ANGPT2: variants seen among roughly 807,000 people sequenced by gnomAD.
ANGPT2 encodes angiopoietin-2.
In ANGPT2, 28 loss-of-function variants were observed where a neutral mutation model predicts 62.9. The observed-to-expected ratio is 0.44, with a 90% CI of 0.33 to 0.61. ANGPT2 has a LOEUF of 0.61. Ranked by LOEUF, ANGPT2 falls within the 20% of genes least tolerant of loss-of-function variation. The pLI, the probability that ANGPT2 is intolerant of heterozygous loss-of-function variation, is 0.03. For missense variants in ANGPT2, 727 were observed against 594.9 expected (o/e 1.22, Z -2.31); for synonymous variants, 284 against 207.8 (o/e 1.37, Z -3.15).
intron 1 of ANGPT2, among the ~76,000 whole-genome samples, chr8:6,560,491 T>C (rs891650675): frequency 5.9e-5 from 9 of 152,306 alleles, no homozygotes; most frequent in African/African-American, 2.2e-4. Context: ...GCTTTTTTGT[T>C]TTCATTCCCA....
At position 6,520,008 on chromosome 8, in the gene ANGPT2, G is replaced by A. The variant is rs376445795; in HGVS notation, c.800-17C>T. On this transcript the variant is annotated splice_polypyrimidine_tract_variant and intron_variant, in intron 4 of 8. Transcript: ENST00000629816. ...GGTCCTTAGCTGCTTTTAAAAAATA[G>A]TAAGGCATTTAAACGGAGTTCATGA... 1.2e-6 allele frequency: 2 copies of A among 1,612,378 alleles called. No individual in the cohort carries two copies. Among genetic ancestry groups the A allele is most frequent in the Middle Eastern group, 3.3e-4 (2 of 6,054 alleles).
At position 6,534,205 on chromosome 8, in the gene ANGPT2, T is replaced by TA. The variant is rs113647753; in HGVS notation, c.289-1719dup. Among the ~76,000 whole-genome samples the TA allele has an allele frequency of 2.1e-4, 32 of 150,454 alleles. No homozygotes were observed. In the South Asian group the frequency reaches 3.8e-3, roughly 18 times the overall value. ...GTTCAACCACACCATCAATATATTT[T>TA]AAAAAAAAAATAACAATACAACAAT... is the stretch of plus-strand genomic sequence containing the variant. On this transcript the variant is annotated intron_variant, in intron 1 of 8. Transcript: ENST00000629816.
chr8:6,503,490 T>C (rs1388622351), intron 8 of ANGPT2, among the ~76,000 whole-genome samples: 5 of 152,164 alleles, frequency 3.3e-5, no homozygotes, highest in African/African-American at 1.2e-4. Context: ...TTCTTCCACC[T>C]TTTCCCTTGT....
intron 1 of ANGPT2, 86 bp from the exon 2 acceptor site, chr8:6,532,573 TTAA>T: frequency 1.3e-6 from 1 of 758,444 alleles, no homozygotes; most frequent in Non-Finnish European, 1.8e-6. Flanking sequence ...CTCCCTATCT[TTAA>T]AAAAAAAAAA....
At chr8:6,519,532 T>C (rs550685531) in intron 5 of ANGPT2, among the ~76,000 whole-genome samples, 1 of 152,334 alleles carries the variant, frequency 6.6e-6, no homozygotes, top group East Asian at 1.9e-4. Flanking sequence ...TTTTGGAAGA[T>C]ACTTTCTTTA....
At position 6,513,800 on chromosome 8, in the gene ANGPT2, A is replaced by G; in HGVS notation, c.1074T>C (p.Phe358=). The G allele has an allele frequency of 6.2e-7, 1 of 1,613,976 alleles. No individual in the cohort carries two copies. Residue 358 remains phenylalanine, a synonymous_variant, in exon 7 of 9, where the codon TTT becomes TTC. Coordinates refer to ENST00000629816, the MANE Select transcript of ANGPT2 (RefSeq NM_001118887.2). ...GTTGCTGATTAGTCAGTTGCGAAAC[A>G]AACTCATTTCCCAGCCAATATTCTC... ...PSGEYWLGNE[F]VSQLTNQQRY...
rs182861217 is a variant in ANGPT2, at chr8:6,555,374, G to A, written c.288+7273C>T. On this transcript the variant is annotated intron_variant, in intron 1 of 8. Transcript: ENST00000629816. ...TTTCCCCCTGTCAACTTCCAGAACA[G>A]GGCTGTAACTAGATGTATGGTTTGT... Among the ~76,000 whole-genome samples, 153 of 152,238 alleles carry A rather than the reference G, an allele frequency of 1.0e-3. 1 individual carries two copies. The highest frequency in any genetic ancestry group is 1.6e-3 in the Non-Finnish European group (110 of 68,008).
chr8:6,512,208 CTGTT>C (rs1256249714), intron 7 of ANGPT2, among the ~76,000 whole-genome samples: 2 of 152,170 alleles, frequency 1.3e-5, no homozygotes, highest in African/African-American at 4.8e-5. Context: ...TTTTCATCCA[CTGTT>C]TGTACAGCAG....
At chr8:6,527,899 A>ATTTTTTTT (rs71213313) in intron 2 of ANGPT2, among the ~76,000 whole-genome samples, 2 of 133,122 alleles carry the variant, frequency 1.5e-5, no homozygotes, top group Non-Finnish European at 1.6e-5. Flanking sequence ...CCACGTCTCT[A>ATTTTTTTT]TTTTTTTTTT....
In ANGPT2 at chr8:6,562,520, G is replaced by T. The variant is rs374228373; in HGVS notation, c.288+127C>A. ...TTTCATTTGAGGGTACCAGCAACCC[G>T]CTCTCCAGCTCTAATCCTCTTCATC... On this transcript the variant is annotated intron_variant, in intron 1 of 8. Transcript: ENST00000629816. The T allele has an allele frequency of 1.8e-5, 14 of 791,692 alleles. No individual in the cohort carries two copies. In the East Asian group the frequency reaches 3.0e-4, roughly 17 times the overall value. 49.0% of individuals were successfully genotyped at this position (791,692 alleles called of 1,614,324 possible). A position where few individuals can be genotyped will look rare whatever the true frequency, so the allele number is the denominator to read the frequency against.
At chr8:6,538,584 T>C (rs1345506278) in intron 1 of ANGPT2, among the ~76,000 whole-genome samples, 1 of 152,186 alleles carries the variant, frequency 6.6e-6, no homozygotes, top group Non-Finnish European at 1.5e-5. Flanking sequence ...AGCGGCCTCA[T>C]ACCACGGCCG....
intron 6 of ANGPT2, 59 bp from the exon 7 acceptor site, chr8:6,513,903 A>T (rs1815705203): frequency 6.8e-7 from 1 of 1,473,740 alleles, no homozygotes; most frequent in South Asian, 1.3e-5. Context: ...GTATATTTGA[A>T]GTGGATAGTC....
chr8:6,534,068 C>A (rs1007605467), intron 1 of ANGPT2, among the ~76,000 whole-genome samples: 2 of 152,130 alleles, frequency 1.3e-5, no homozygotes, highest in South Asian at 4.2e-4. Context: ...TCAGCCTGGT[C>A]ACTAAGGCTG....
At chr8:6,558,894 A>C (rs1029775199) in intron 1 of ANGPT2, among the ~76,000 whole-genome samples, 1 of 152,164 alleles carries the variant, frequency 6.6e-6, no homozygotes, top group Non-Finnish European at 1.5e-5. Flanking sequence ...CATACTATAC[A>C]TATACATATC....
At chr8:6,509,207 T>G (rs1814427279) in intron 7 of ANGPT2, 145 bp from the exon 8 acceptor site, 2 of 1,081,348 alleles carry the variant, frequency 1.8e-6, no homozygotes. Flanking sequence ...ACAAAATATT[T>G]TGCACTGGTA....
chr8:6,521,400 T>C lies in ANGPT2; in HGVS notation c.577A>G (p.Lys193Glu). ...KLQDKNSFLE[K>E]KVLAMEDKHI... ...TTGTCTTCCATAGCTAGCACCTTCT[T>C]TTCTAGGAAACTTGTAAGGAAAAGA... Residue 193 changes from lysine to glutamate, a missense_variant, in exon 4 of 9, where the codon AAG (lysine) becomes GAG (glutamate). Physicochemically the swap from Lys to Glu is moderately conservative, Grantham distance 56 (BLOSUM62 1). Transcript: ENST00000629816. 6.2e-7 allele frequency: 1 copy of C among 1,609,066 alleles called. No individual in the cohort carries two copies. Among genetic ancestry groups the C allele is most frequent in the South Asian group, 1.1e-5 (1 of 90,154 alleles).
intron 7 of ANGPT2, among the ~76,000 whole-genome samples, chr8:6,511,599 T>C (rs1815110601): frequency 6.6e-6 from 1 of 152,198 alleles, no homozygotes; most frequent in African/African-American, 2.4e-5. Flanking sequence ...TCTCAAAGCA[T>C]TTGCAGTTAT....
intron 1 of ANGPT2, among the ~76,000 whole-genome samples, chr8:6,534,555 C>T (rs1334950665): frequency 6.6e-6 from 1 of 152,132 alleles, no homozygotes; most frequent in Non-Finnish European, 1.5e-5. Flanking sequence ...GAGCGTGAGC[C>T]AGCACATCTG....
chr8:6,513,955 C>A, intron 6 of ANGPT2, 111 bp from the exon 7 acceptor site: 2 of 1,052,956 alleles, frequency 1.9e-6, no homozygotes, highest in Non-Finnish European at 1.3e-6. Context: ...GCAGAAATTC[C>A]TTCTGGTGCT....
Sources: gnomAD v4.1 joint callset for allele counts (sites outside exome capture counted in the v4.1 genomes callset) on GRCh38, gnomAD v4.1.1 for gene constraint, MANE v1.5 for transcripts, NCBI Gene and HGNC (gene_info 2026-07-23, HGNC 2026-07-21) for gene names.